PPHLN1: variants seen among roughly 807,000 people sequenced by gnomAD.
PPHLN1 encodes the protein periphilin 1, also known as periphilin-1.
A neutral mutation model predicts 51.3 loss-of-function variants in PPHLN1; 29 were observed. The ratio of observed to expected loss-of-function variants is 0.57; its 90% CI spans 0.42 to 0.77. PPHLN1 has a LOEUF of 0.77. Ranked by LOEUF, PPHLN1 falls within the 30% of genes least tolerant of loss-of-function variation. PPHLN1 has a pLI of 0.00. For synonymous variants in PPHLN1, 147 were observed against 147.8 expected (o/e 0.99, Z 0.04); for missense variants, 436 against 438.4 (o/e 0.99, Z 0.05).
chr12:42,446,644 T>C, downstream of PPHLN1: 1 of 1,612,454 alleles, frequency 6.2e-7, no homozygotes, highest in South Asian at 1.1e-5. Flanking sequence ...AAACTGTTGC[T>C]GCACACATCT....
chr12:42,355,862 G>T (rs2073996300), intron 4 of PPHLN1, among the ~76,000 whole-genome samples: 1 of 151,996 alleles, frequency 6.6e-6, no homozygotes, highest in Non-Finnish European at 1.5e-5. Context: ...GATTTGATAG[G>T]TTTGCTTAAT....
chr12:42,418,323 G>A (rs1341448038), intron 9 of PPHLN1, among the ~76,000 whole-genome samples: 3 of 148,822 alleles, frequency 2.0e-5, no homozygotes, highest in African/African-American at 7.5e-5. Context: ...GATGAGCACT[G>A]CAGAATATTT....
intron 7 of PPHLN1, among the ~76,000 whole-genome samples, chr12:42,388,550 A>G (rs2139083147): frequency 6.6e-6 from 1 of 152,310 alleles, no homozygotes; most frequent in African/African-American, 2.4e-5. Context: ...GAGGGAACTC[A>G]GAGACCGGTG....
intron 8 of PPHLN1, 153 bp from the exon 9 acceptor site, chr12:42,398,701 A>G (rs2078512377): frequency 3.5e-6 from 2 of 578,512 alleles, no homozygotes; most frequent in Admixed American, 3.3e-5. Flanking sequence ...ACATATGCTC[A>G]TTATGCATAG....
chr12:42,329,266 T>C (rs2069307297), intron 1 of PPHLN1, among the ~76,000 whole-genome samples: 1 of 151,926 alleles, frequency 6.6e-6, no homozygotes, highest in African/African-American at 2.4e-5. Flanking sequence ...CGCCCCCGGC[T>C]AATTTTGTTT....
At chr12:42,332,251 G>A (rs61924349) in intron 1 of PPHLN1, among the ~76,000 whole-genome samples, 24,753 of 152,100 alleles carry the variant, frequency 0.16, 2,069 homozygotes, top group Admixed American at 0.2. Context: ...TGAATATAAG[G>A]TGATATTAGT....
intron 9 of PPHLN1, among the ~76,000 whole-genome samples, chr12:42,427,510 A>G (rs1054039331): frequency 5.3e-5 from 8 of 151,916 alleles, no homozygotes; most frequent in African/African-American, 1.9e-4. Context: ...ACAAAAACAT[A>G]AAGTGGGGAA....
chr12:42,399,445 C>A, intron 9 of PPHLN1: 1 of 928,386 alleles, frequency 1.1e-6, no homozygotes, highest in Non-Finnish European at 1.3e-6. Flanking sequence ...TGAAGTCATT[C>A]TGAAAAGCAG....
intron 4 of PPHLN1, among the ~76,000 whole-genome samples, chr12:42,361,934 T>C (rs1477584767): frequency 2.0e-5 from 3 of 152,212 alleles, no homozygotes; most frequent in Non-Finnish European, 2.9e-5. Context: ...TCTATGCTTA[T>C]CTTTTTGAGG....
chr12:42,434,173 A>G (rs1268564963), intron 9 of PPHLN1, among the ~76,000 whole-genome samples: 2 of 152,168 alleles, frequency 1.3e-5, no homozygotes, highest in East Asian at 1.9e-4. Flanking sequence ...TTAGCAAACT[A>G]ACATAGGAAC....
intron 4 of PPHLN1, chr12:42,355,507 C>T (rs769851940): frequency 4.5e-5 from 11 of 245,466 alleles, no homozygotes; most frequent in Admixed American, 2.7e-4. Context: ...GAGGCCAAGG[C>T]GGGCAAATCA....
Position 42,441,393 on chromosome 12 carries a change from A to G in PPHLN1, c.988A>G (p.Ile330Val), listed in dbSNP as rs138066747. The change falls in exon 10 of 10, where the codon ATA (isoleucine) becomes GTA (valine). Residue 330 changes from isoleucine (I) to valine (V), a missense_variant. By Grantham distance (29) the Ile-to-Val change is conservative. Coordinates refer to ENST00000358314, the MANE Select transcript of PPHLN1 (RefSeq NM_201439.2). ...AAAAGATCCTTCATTAGAAAAGTCT[A>G]TACAGTTTGCATTGAGGCAGAATTT... The part of the protein sequence containing the change: ...IEKDPSLEKS[I>V]QFALRQNLHE... The G allele has an allele frequency of 3.0e-5, 48 of 1,614,126 alleles. No homozygotes were observed. The highest frequency in any genetic ancestry group is 1.3e-4 in the African/African-American group (10 of 75,058).
chr12:42,335,380 A>G (rs2070442204), intron 1 of PPHLN1, among the ~76,000 whole-genome samples: 1 of 152,182 alleles, frequency 6.6e-6, no homozygotes, highest in Non-Finnish European at 1.5e-5. Context: ...TGTTCTTTTA[A>G]CACTTTTTTC....
In PPHLN1 at chr12:42,426,230, C is replaced by CACA. The variant is rs1414627621; in HGVS notation, c.910-15085_910-15084insACA. ...CACACACACACACACACACACACAC[C>CACA]CTCATGCATTGTCTCATGGCAGTTA... On this transcript the variant is annotated intron_variant, in intron 9 of 9. Coordinates refer to ENST00000358314, the MANE Select transcript of PPHLN1 (RefSeq NM_201439.2). Among the ~76,000 whole-genome samples, 104 of 80,352 alleles carry CACA rather than the reference C, an allele frequency of 1.3e-3. 1 individual carries two copies. Among genetic ancestry groups the CACA allele is most frequent in the African/African-American group, 5.2e-3 (97 of 18,536 alleles). The allele number at this position is 80,352 out of a possible 152,430, so 52.7% of individuals were successfully genotyped here. A position where few individuals can be genotyped will look rare whatever the true frequency, so the allele number is the denominator to read the frequency against.
downstream of PPHLN1, chr12:42,442,933 AC>A: frequency 1.1e-6 from 1 of 880,708 alleles, no homozygotes; most frequent in Non-Finnish European, 1.6e-6. Flanking sequence ...GTTTCCCATA[AC>A]CCATGGTCCC....
chr12:42,353,373 T>G (rs1302369666), intron 3 of PPHLN1, among the ~76,000 whole-genome samples: 2 of 152,196 alleles, frequency 1.3e-5, no homozygotes, highest in African/African-American at 4.8e-5. Context: ...CATTGGCTGT[T>G]GGAATTAGTT....
chr12:42,439,325 G>A (rs1176350311), intron 9 of PPHLN1, among the ~76,000 whole-genome samples: 1 of 152,226 alleles, frequency 6.6e-6, no homozygotes, highest in Non-Finnish European at 1.5e-5. Context: ...GAACGTAACT[G>A]TCAAGTTGAA....
At chr12:42,430,825 A>G (rs560708013) in intron 9 of PPHLN1, among the ~76,000 whole-genome samples, 1 of 152,228 alleles carries the variant, frequency 6.6e-6, no homozygotes, top group East Asian at 1.9e-4. Context: ...TTTTTGGAAG[A>G]TCAATGTTTA....
chr12:42,400,157 A>G (rs2078660101), intron 9 of PPHLN1: 2 of 152,054 alleles, frequency 1.3e-5, no homozygotes, highest in Non-Finnish European at 2.9e-5. Context: ...CGAGAACAGT[A>G]TGTGTAGCAG....
Sources: gnomAD v4.1 joint callset for allele counts (sites outside exome capture counted in the v4.1 genomes callset) on GRCh38, gnomAD v4.1.1 for gene constraint, MANE v1.5 for transcripts, NCBI Gene and HGNC (gene_info 2026-07-23, HGNC 2026-07-21) for gene names.